MOB4: variants seen among roughly 807,000 people sequenced by gnomAD.
MOB4 encodes the protein MOB family member 4, phocein.
Under a neutral mutation model 32.2 loss-of-function variants are expected in MOB4, and 4 were observed. The ratio of observed to expected loss-of-function variants is 0.12; its 90% CI spans 0.06 to 0.28. MOB4 has a LOEUF of 0.28. Among genes scored for constraint, MOB4 ranks in the 10% least tolerant of loss-of-function variants. The pLI is 1.00. For synonymous variants in MOB4, 88 were observed against 88.1 expected (o/e 1.00, Z 0.01); for missense variants, 158 against 271.2 (o/e 0.58, Z 2.93).
At chr2:197,535,749 G>C in intron 3 of MOB4, 119 bp downstream of exon 3, 1 of 1,159,058 alleles carries the variant, frequency 8.6e-7, no homozygotes, top group Non-Finnish European at 1.2e-6. Context: ...AAATTTTAAA[G>C]CTTTGGCATT....
At chr2:197,535,773 G>A in intron 3 of MOB4, 143 bp downstream of exon 3, 1 of 850,268 alleles carries the variant, frequency 1.2e-6, no homozygotes, top group East Asian at 2.8e-5. Context: ...AGTGTCACAA[G>A]GTTCTCAGCT....
chr2:197,540,986 C>T (rs1453338819), intron 5 of MOB4, among the ~76,000 whole-genome samples: 2 of 151,760 alleles, frequency 1.3e-5, no homozygotes, highest in Non-Finnish European at 2.9e-5. Flanking sequence ...GCTGCAACCT[C>T]TGTCTCCGGA....
At chr2:197,532,945 A>G (rs1048108309) in intron 2 of MOB4, among the ~76,000 whole-genome samples, 2 of 152,186 alleles carry the variant, frequency 1.3e-5, no homozygotes, top group Non-Finnish European at 1.5e-5. Context: ...CTAAAAATAC[A>G]GAAATTAGCT....
intron 2 of MOB4, among the ~76,000 whole-genome samples, chr2:197,531,417 G>A (rs1009448004): frequency 6.6e-6 from 1 of 152,068 alleles, no homozygotes; most frequent in Non-Finnish European, 1.5e-5. Context: ...TCACCACCGT[G>A]TCCAGAACTT....
intron 2 of MOB4, among the ~76,000 whole-genome samples, chr2:197,530,001 A>T (rs997401961): frequency 1.0e-3 from 144 of 139,328 alleles, no homozygotes; most frequent in African/African-American, 3.7e-3. Flanking sequence ...ATGGAGTCTC[A>T]CTCTGTCTCC....
intron 5 of MOB4, among the ~76,000 whole-genome samples, chr2:197,543,942 A>G (rs920456054): frequency 1.3e-5 from 2 of 151,858 alleles, no homozygotes; most frequent in African/African-American, 2.4e-5. Context: ...GTTTCACCCT[A>G]TTGGCCAGGC....
intron 5 of MOB4, among the ~76,000 whole-genome samples, chr2:197,543,815 T>C (rs1399927038): frequency 1.3e-5 from 2 of 152,070 alleles, no homozygotes; most frequent in East Asian, 3.9e-4. Flanking sequence ...CTCGGCTCAC[T>C]GCAACCTCCG....
intron 5 of MOB4, among the ~76,000 whole-genome samples, chr2:197,541,204 T>C (rs903566584): frequency 1.3e-5 from 2 of 152,132 alleles, no homozygotes; most frequent in Admixed American, 6.6e-5. Flanking sequence ...CCTGGCCTAC[T>C]GTACTTTTTC....
chr2:197,552,736 G>C lies in MOB4; in HGVS notation c.*2090G>C, dbSNP rs2087117891. 6.6e-6 allele frequency: 1 copy of C among 152,216 alleles called. No homozygotes were observed. The highest frequency in any genetic ancestry group is 2.1e-4 in the South Asian group (1 of 4,828). The allele number at this position is 152,216 out of a possible 1,614,324, so 9.4% of individuals were successfully genotyped here. On this transcript the variant is annotated 3_prime_UTR_variant, in exon 8 of 8. Coordinates refer to ENST00000323303, the MANE Select transcript of MOB4 (RefSeq NM_015387.5). ...ACAGTTCCTGTTTTTCCTTAATACT[G>C]TTTTCAGAATTTTGAAAATGTACTT...
In MOB4 at chr2:197,550,754, A is replaced by C; in HGVS notation, c.*108A>C. ...CCATATTATAGCTTCTTTGTTTAGT[A>C]TAGGTTTTTGTATGCTGGGTTTGCC... On this transcript the variant is annotated 3_prime_UTR_variant, in exon 8 of 8. Transcript: ENST00000323303. 1.5e-6 allele frequency: 2 copies of C among 1,356,884 alleles called. No homozygotes were observed. Among genetic ancestry groups the C allele is most frequent in the Admixed American group, 3.0e-5 (1 of 33,708 alleles). 84.1% of individuals were successfully genotyped at this position (1,356,884 alleles called of 1,614,324 possible). A position where few individuals can be genotyped will look rare whatever the true frequency, so the allele number is the denominator to read the frequency against.
Position 197,553,470 on chromosome 2 carries a change from T to TA in MOB4, c.*2825dup, listed in dbSNP as rs1227025551. ...ATTACATTGTTAGTAAGGACTGTGT[T>TA]ACGATTATAAACACATTTATTGGTT... On this transcript the variant is annotated 3_prime_UTR_variant, in exon 8 of 8. Transcript: ENST00000323303. 1.1e-4 allele frequency: 16 copies of TA among 152,134 alleles called. No homozygotes were observed. Among genetic ancestry groups the TA allele is most frequent in the African/African-American group, 3.6e-4 (15 of 41,456 alleles). The allele number at this position is 152,134 out of a possible 1,614,324, so 9.4% of individuals were successfully genotyped here.
chr2:197,523,581 A>G (rs2086558970), intron 1 of MOB4, 43 bp from the exon 2 acceptor site: 13 of 1,577,586 alleles, frequency 8.2e-6, no homozygotes, highest in Admixed American at 5.5e-5. Context: ...GTTAATCATA[A>G]TAGTATTTTG....
chr2:197,525,219 T>A (rs928966609), intron 2 of MOB4, among the ~76,000 whole-genome samples: 1 of 151,436 alleles, frequency 6.6e-6, no homozygotes, highest in Non-Finnish European at 1.5e-5. Flanking sequence ...TGGTGGTGGG[T>A]GCCTGTAGTC....
At chr2:197,535,899 CTTT>C (rs1319135434) in intron 3 of MOB4, among the ~76,000 whole-genome samples, 4 of 129,286 alleles carry the variant, frequency 3.1e-5, no homozygotes, top group Non-Finnish European at 3.4e-5. Flanking sequence ...CTTTTCTTTT[CTTT>C]TTTTTTTTTT....
intron 3 of MOB4, among the ~76,000 whole-genome samples, chr2:197,537,477 A>G (rs1017263913): frequency 5.9e-5 from 9 of 152,174 alleles, no homozygotes; most frequent in Non-Finnish European, 1.2e-4. Flanking sequence ...CTTGTAGACA[A>G]GGCACTTTTT....
At chr2:197,532,967 C>T (rs894784080) in intron 2 of MOB4, among the ~76,000 whole-genome samples, 2 of 151,870 alleles carry the variant, frequency 1.3e-5, no homozygotes, top group East Asian at 1.9e-4. Context: ...GGCATGGTGG[C>T]GCATGTCTAT....
At chr2:197,524,704 C>T (rs922867558) in intron 2 of MOB4, among the ~76,000 whole-genome samples, 2 of 151,680 alleles carry the variant, frequency 1.3e-5, no homozygotes, top group Admixed American at 6.6e-5. Flanking sequence ...ACCTTGAACT[C>T]CTGGGCTCAA....
At position 197,551,710 on chromosome 2, in the gene MOB4, C is replaced by T. The variant is rs1272418198; in HGVS notation, c.*1064C>T. ...GAAGTTTATGTTTGGATTACATGCA[C>T]GTGTGAGATTATTTGCAATAATTCA... is the stretch of plus-strand genomic sequence containing the variant. On this transcript the variant is annotated 3_prime_UTR_variant, in exon 8 of 8. Coordinates refer to ENST00000323303, the MANE Select transcript of MOB4 (RefSeq NM_015387.5). The T allele has an allele frequency of 6.6e-6, 1 of 152,640 alleles. No individual in the cohort carries two copies. The highest frequency in any genetic ancestry group is 1.9e-4 in the East Asian group (1 of 5,320). The allele number at this position is 152,640 out of a possible 1,614,324, so 9.5% of individuals were successfully genotyped here. A position where few individuals can be genotyped will look rare whatever the true frequency, so the allele number is the denominator to read the frequency against.
At chr2:197,516,254 G>GC in intron 1 of MOB4, 108 bp downstream of exon 1, 1 of 1,503,906 alleles carries the variant, frequency 6.6e-7, no homozygotes, top group Non-Finnish European at 8.9e-7. Flanking sequence ...AGGCGGGCGG[G>GC]CTGGGGCACT....
Sources: gnomAD v4.1 joint callset for allele counts (sites outside exome capture counted in the v4.1 genomes callset) on GRCh38, gnomAD v4.1.1 for gene constraint, MANE v1.5 for transcripts, NCBI Gene and HGNC (gene_info 2026-07-23, HGNC 2026-07-21) for gene names.